GPRIN3: variants seen among roughly 807,000 people sequenced by gnomAD.
The protein encoded by GPRIN3 is GPRIN family member 3, also known as G protein-regulated inducer of neurite outgrowth 3.
A neutral mutation model predicts 13.7 loss-of-function variants in GPRIN3; 12 were observed. That is an observed-to-expected ratio of 0.87 (90% CI 0.56 to 1.42). The LOEUF (loss-of-function observed/expected upper bound fraction) is 1.42, where lower values mean the gene tolerates loss of function less well. Ranked by LOEUF, GPRIN3 falls within the 40% of genes most tolerant of loss-of-function variation. The pLI is 0.00. For synonymous variants in GPRIN3, 377 were observed against 372.7 expected (o/e 1.01, Z -0.13); for missense variants, 1,009 against 958.7 (o/e 1.05, Z -0.69).
chr4:89,242,081 CTCA>C lies in GPRIN3; in HGVS notation c.*5696_*5698del, dbSNP rs1190899550. 2.0e-5 allele frequency: 3 copies of C among 152,172 alleles called. No homozygotes were observed. The highest frequency in any genetic ancestry group is 4.8e-5 in the African/African-American group (2 of 41,446). The allele number at this position is 152,172 out of a possible 1,614,324, so 9.4% of individuals were successfully genotyped here. On this transcript the variant is annotated 3_prime_UTR_variant, in exon 2 of 2. Transcript: ENST00000609438. ...TAACATCATTAAATCACTGGGGTAT[CTCA>C]TCATAATTATCACCATGCAGGTTGA...
At chr4:89,260,147 C>T (rs1723585347) in intron 1 of GPRIN3, among the ~76,000 whole-genome samples, 1 of 152,168 alleles carries the variant, frequency 6.6e-6, no homozygotes, top group Admixed American at 6.5e-5. Flanking sequence ...GGAAAAATGT[C>T]TGGTGGCAAT....
At chr4:89,262,827 C>T (rs1332741585) in intron 1 of GPRIN3, among the ~76,000 whole-genome samples, 1 of 152,188 alleles carries the variant, frequency 6.6e-6, no homozygotes, top group East Asian at 1.9e-4. Flanking sequence ...CCTCCGCCAT[C>T]CCCCTACTTT....
rs1561157890 is a variant in GPRIN3, at chr4:89,237,927, C to G, written c.*9853G>C. 2 of 152,168 alleles carry G rather than the reference C, an allele frequency of 1.3e-5. No individual in the cohort carries two copies. Among genetic ancestry groups the G allele is most frequent in the Non-Finnish European group, 1.5e-5 (1 of 68,028 alleles). 9.4% of individuals were successfully genotyped at this position (152,168 alleles called of 1,614,324 possible). On this transcript the variant is annotated 3_prime_UTR_variant, in exon 2 of 2. Transcript: ENST00000609438. ...CAAACACCCACTGGTGGGACATAAA[C>G]AGCTATAGGCATAAGACAAACCATC...
Position 89,250,165 on chromosome 4 carries a change from G to T in GPRIN3, c.-55C>A. 8 of 1,547,212 alleles carry T rather than the reference G, an allele frequency of 5.2e-6. No homozygotes were observed. Among genetic ancestry groups the T allele is most frequent in the Non-Finnish European group, 6.1e-6 (7 of 1,146,454 alleles). ...TCTCTTGAGTACTGGTCCCACTGGTGGGGGAGGGGAGCGCAGTCAGAGCTC... is the reference window on the plus strand; with the variant it reads ...TCTCTTGAGTACTGGTCCCACTGGTTGGGGAGGGGAGCGCAGTCAGAGCTC... On this transcript the variant is annotated 5_prime_UTR_variant, in exon 2 of 2. Coordinates refer to ENST00000609438, the MANE Select transcript of GPRIN3 (RefSeq NM_198281.3).
At position 89,240,568 on chromosome 4, in the gene GPRIN3, C is replaced by G. The variant is rs977848626; in HGVS notation, c.*7212G>C. 3 of 152,158 alleles carry G rather than the reference C, an allele frequency of 2.0e-5. No individual in the cohort carries two copies. The highest frequency in any genetic ancestry group is 2.9e-5 in the Non-Finnish European group (2 of 68,016). 9.4% of individuals were successfully genotyped at this position (152,158 alleles called of 1,614,324 possible). ...GAGTCTCCAAAACATAATCGATTTT[C>G]ATCCCTGTTTGCCATTTCCAGATAT... On this transcript the variant is annotated 3_prime_UTR_variant, in exon 2 of 2. Transcript: ENST00000609438.
Position 89,244,371 on chromosome 4 carries a change from A to C in GPRIN3, c.*3409T>G, listed in dbSNP as rs1723029322. On this transcript the variant is annotated 3_prime_UTR_variant, in exon 2 of 2. Transcript: ENST00000609438. ...CAGTATCAGAGAATTCTCAAGATTA[A>C]AAAAAATTATCAAAGATCAAATTAC... 6.6e-6 allele frequency: 1 copy of C among 152,240 alleles called. No individual in the cohort carries two copies. The highest frequency in any genetic ancestry group is 2.1e-4 in the South Asian group (1 of 4,826). 9.4% of individuals were successfully genotyped at this position (152,240 alleles called of 1,614,324 possible). A position where few individuals can be genotyped will look rare whatever the true frequency, so the allele number is the denominator to read the frequency against.
chr4:89,248,329 T>C lies in GPRIN3; in HGVS notation c.1782A>G (p.Glu594=), dbSNP rs779828618. 6.2e-6 allele frequency: 10 copies of C among 1,614,176 alleles called. 1 individual carries two copies. The South Asian group carries it at 1.1e-4, about 18-fold the overall frequency. Residue 594 remains glutamate, a synonymous_variant, in exon 2 of 2, where the codon GAA becomes GAG. Coordinates refer to ENST00000609438, the MANE Select transcript of GPRIN3 (RefSeq NM_198281.3). The part of the protein sequence containing the change: ...PIRKNQESTL[E]ENRQTKTATS... ...TGGCTGTCTTGGTCTGTCTGTTTTC[T>C]TCTAAGGTGCTCTCCTGGTTCTTCC...
At chr4:89,275,869 A>C (rs1250856972) in intron 1 of GPRIN3, among the ~76,000 whole-genome samples, 2 of 152,234 alleles carry the variant, frequency 1.3e-5, no homozygotes, top group Non-Finnish European at 2.9e-5. Context: ...CATTTCACAA[A>C]GAAAAAACTC....
In GPRIN3 at chr4:89,250,187, G is replaced by A. The variant is rs1448840182; in HGVS notation, c.-77C>T. On this transcript the variant is annotated 5_prime_UTR_variant, in exon 2 of 2. Coordinates refer to ENST00000609438, the MANE Select transcript of GPRIN3 (RefSeq NM_198281.3). ...GGTGGGGGAGGGGAGCGCAGTCAGAGCTCAGAGTGATGACACAGTCAGGGA... is the reference window on the plus strand; with the variant it reads ...GGTGGGGGAGGGGAGCGCAGTCAGAACTCAGAGTGATGACACAGTCAGGGA... 2 of 1,526,622 alleles carry A rather than the reference G, an allele frequency of 1.3e-6. No individual in the cohort carries two copies. The highest frequency in any genetic ancestry group is 1.8e-6 in the Non-Finnish European group (2 of 1,138,466). 94.6% of individuals were successfully genotyped at this position (1,526,622 alleles called of 1,614,324 possible). A position where few individuals can be genotyped will look rare whatever the true frequency, so the allele number is the denominator to read the frequency against.
Position 89,248,867 on chromosome 4 carries a change from C to A in GPRIN3, c.1244G>T (p.Gly415Val), listed in dbSNP as rs532134284. 22 of 1,614,174 alleles carry A rather than the reference C, an allele frequency of 1.4e-5. No individual in the cohort carries two copies. In the South Asian group the frequency reaches 1.9e-4, roughly 14 times the overall value. ...GATTGATGAGGTTTTAAGGACCCCA[C>A]CTGGTAGGCTCGCAAGTTTATTTTC... ...QRENKLASLPGGVLKTSSINL... is the reference protein window; with the variant it reads ...QRENKLASLPVGVLKTSSINL... The change falls in exon 2 of 2, where the codon GGT becomes GTT. Residue 415 changes from glycine (G) to valine (V), a missense_variant. Transcript: ENST00000609438.
At chr4:89,280,103 T>C (rs1318837273) in intron 1 of GPRIN3, among the ~76,000 whole-genome samples, 1 of 152,176 alleles carries the variant, frequency 6.6e-6, no homozygotes, top group Admixed American at 6.5e-5. Flanking sequence ...TTCTCGCCTC[T>C]CTCTCCTCAT....
intron 1 of GPRIN3, among the ~76,000 whole-genome samples, chr4:89,286,441 G>T (rs1561221533): frequency 6.6e-6 from 1 of 152,026 alleles, no homozygotes; most frequent in African/African-American, 2.4e-5. Context: ...GTCTTTCGCT[G>T]GTGCTTTCCT....
intron 1 of GPRIN3, among the ~76,000 whole-genome samples, chr4:89,280,362 A>T (rs569848403): frequency 1.8e-4 from 28 of 152,360 alleles, no homozygotes; most frequent in Middle Eastern, 6.8e-3. Context: ...TCCCAGAATT[A>T]AAATCCTTTT....
chr4:89,249,338 TG>T lies in GPRIN3; in HGVS notation c.772del (p.Gln258LysfsTer6), dbSNP rs1723240935. ...KQPSVTASGP[Q>X]GTTSVTPQPT... is the part of the protein sequence containing the mutation. ...TTGAGGTGTCACAGAAGTTGTGCCT[TG>T]GGGGCCCGAGGCAGTGACAGAGGGC... On this transcript the variant is annotated frameshift_variant, in exon 2 of 2. Coordinates refer to ENST00000609438, the MANE Select transcript of GPRIN3 (RefSeq NM_198281.3). LOFTEE classifies it low-confidence loss of function (END_TRUNC). The T allele has an allele frequency of 2.5e-6, 4 of 1,613,952 alleles. 1 individual carries two copies. The South Asian group carries it at 3.3e-5, about 13-fold the overall frequency.
chr4:89,269,290 GAATTTCTTCAGCAGGCT>G (rs1294458800), intron 1 of GPRIN3, among the ~76,000 whole-genome samples: 2 of 152,052 alleles, frequency 1.3e-5, no homozygotes, highest in African/African-American at 4.8e-5. Flanking sequence ...GAGCAATAAT[GAATTTCTTCAGCAGGCT>G]AGCCTGCTGA....
In GPRIN3 at chr4:89,237,115, G is replaced by C. The variant is rs1412031658; in HGVS notation, c.*10665C>G. Reference sequence around the variant, plus strand: ...AAAGGTGTAGGGAAATACCATTCTTGAGATGCCAGTACTCCCACCAGAAAT... The same window carrying C: ...AAAGGTGTAGGGAAATACCATTCTTCAGATGCCAGTACTCCCACCAGAAAT... On this transcript the variant is annotated 3_prime_UTR_variant, in exon 2 of 2. Coordinates refer to ENST00000609438, the MANE Select transcript of GPRIN3 (RefSeq NM_198281.3). 6.6e-6 allele frequency: 1 copy of C among 152,024 alleles called. No individual in the cohort carries two copies. The highest frequency in any genetic ancestry group is 1.5e-5 in the Non-Finnish European group (1 of 68,006). 9.4% of individuals were successfully genotyped at this position (152,024 alleles called of 1,614,324 possible).
At chr4:89,301,693 A>G (rs553388339) in intron 1 of GPRIN3, among the ~76,000 whole-genome samples, 7 of 152,334 alleles carry the variant, frequency 4.6e-5, no homozygotes, top group African/African-American at 1.7e-4. Context: ...CATAAACCAG[A>G]TCTCCCACTT....
chr4:89,248,291 A>G lies in GPRIN3; in HGVS notation c.1820T>C (p.Leu607Pro). Residue 607 changes from leucine to proline, a missense_variant, in exon 2 of 2, where the codon CTG (leucine) becomes CCG (proline). Coordinates refer to ENST00000609438, the MANE Select transcript of GPRIN3 (RefSeq NM_198281.3). Reference protein sequence around the residue: ...RQTKTATSLSLPSDPMGDSSP... With the variant: ...RQTKTATSLSPPSDPMGDSSP... ...GGAGTCACCCATGGGATCAGATGGC[A>G]GGCTCAGGCTGGTGGCTGTCTTGGT... The G allele has an allele frequency of 6.2e-7, 1 of 1,614,156 alleles. No individual in the cohort carries two copies. Among genetic ancestry groups the G allele is most frequent in the East Asian group, 2.2e-5 (1 of 44,870 alleles).
At chr4:89,270,479 T>A (rs1723902999) in intron 1 of GPRIN3, among the ~76,000 whole-genome samples, 1 of 148,684 alleles carries the variant, frequency 6.7e-6, no homozygotes, top group Admixed American at 6.8e-5. Context: ...TTTTCCTGTA[T>A]GTATTTACCA....
Sources: allele counts gnomAD v4.1 joint callset (sites outside exome capture counted in the v4.1 genomes callset), GRCh38; gene constraint gnomAD v4.1.1; transcripts MANE v1.5; gene names NCBI Gene and HGNC (gene_info 2026-07-23, HGNC 2026-07-21).